The following FAM184A variants were observed in gnomAD, a reference collection of about 807,000 sequenced individuals.
FAM184A encodes family with sequence similarity 184 member A.
Under a neutral mutation model 143.8 loss-of-function variants are expected in FAM184A, and 99 were observed. The observed-to-expected ratio is 0.69, with a 90% CI of 0.58 to 0.81. The LOEUF (loss-of-function observed/expected upper bound fraction) is 0.81. Ranked by LOEUF, FAM184A falls within the 40% of genes least tolerant of loss-of-function variation. The pLI, the probability that FAM184A is intolerant of heterozygous loss-of-function variation, is 0.00. For missense variants in FAM184A, 1,217 were observed against 1,310.5 expected, an observed-to-expected ratio of 0.93 and a Z score of 1.10; for synonymous variants, 427 against 446.4, an observed-to-expected ratio of 0.96 and a Z score of 0.55.
intron 1 of FAM184A, among the ~76,000 whole-genome samples, chr6:119,132,269 A>G (rs900561468): frequency 3.3e-5 from 5 of 152,246 alleles, no homozygotes; most frequent in Non-Finnish European, 5.9e-5. Flanking sequence ...CTGCAAAATC[A>G]GTTTTAGTCT....
chr6:119,041,630 T>C (rs773134048), intron 1 of FAM184A, among the ~76,000 whole-genome samples: 14 of 152,156 alleles, frequency 9.2e-5, no homozygotes, highest in Non-Finnish European at 2.1e-4. Flanking sequence ...TCCGTGTTTG[T>C]TACGGCTAGA....
At chr6:119,081,346 A>G (rs1391388966), upstream of FAM184A, among the ~76,000 whole-genome samples, 4 of 152,116 alleles carry the variant, frequency 2.6e-5, no homozygotes. Context: ...AGGGCGTGCA[A>G]TGGGAGTGTG....
chr6:119,077,791 T>G (rs901682586), intron 1 of FAM184A, among the ~76,000 whole-genome samples: 7 of 152,244 alleles, frequency 4.6e-5, no homozygotes, highest in Admixed American at 4.6e-4. Flanking sequence ...GGTACTGTAG[T>G]GTGATGCCTC....
intron 9 of FAM184A, among the ~76,000 whole-genome samples, chr6:118,991,225 C>A (rs71559845): frequency 6.6e-6 from 1 of 151,080 alleles, no homozygotes; most frequent in Non-Finnish European, 1.5e-5. Flanking sequence ...TGCAATGGCA[C>A]GATCTCGGCG....
At chr6:119,026,682 T>C (rs1349703211) in intron 1 of FAM184A, among the ~76,000 whole-genome samples, 1 of 152,040 alleles carries the variant, frequency 6.6e-6, no homozygotes, top group Non-Finnish European at 1.5e-5. Context: ...ACAGAGATCA[T>C]AAGACTGACA....
At chr6:119,065,081 T>C (rs1343189284) in intron 1 of FAM184A, among the ~76,000 whole-genome samples, 1 of 152,206 alleles carries the variant, frequency 6.6e-6, no homozygotes, top group Non-Finnish European at 1.5e-5. Flanking sequence ...TAGTGATCTC[T>C]ATCTCCTAGT....
rs1301702621 is a variant in FAM184A, at chr6:119,016,931, G to A, written c.1346C>T (p.Ala449Val). The A allele has an allele frequency of 1.2e-6, 2 of 1,604,508 alleles. No homozygotes were observed. Among genetic ancestry groups the A allele is most frequent in the Non-Finnish European group, 8.5e-7 (1 of 1,176,218 alleles). The change falls in exon 5 of 18, where the codon GCA becomes GTA. Residue 449 changes from alanine to valine, a missense_variant. Ala to Val is a moderately conservative substitution (Grantham distance 64, BLOSUM62 0). Coordinates refer to ENST00000338891, the MANE Select transcript of FAM184A (RefSeq NM_024581.6). ...ILELEKKVNE[A>V]KRTQQEYYER... ...ATAATATTCTTGCTGAGTTCTCTTTGCTTCATTTACTTTCTAAAATTAAAA... is the reference window on the plus strand; with the variant it reads ...ATAATATTCTTGCTGAGTTCTCTTTACTTCATTTACTTTCTAAAATTAAAA...
At position 119,016,734 on chromosome 6, in the gene FAM184A, A is replaced by T. The variant is rs763853324; in HGVS notation, c.1530+13T>A. 4.4e-6 allele frequency: 7 copies of T among 1,602,778 alleles called. No homozygotes were observed. Among genetic ancestry groups the T allele is most frequent in the East Asian group, 2.2e-5 (1 of 44,804 alleles). ...CAATTTACAATGCAATGATAAATTA[A>T]ATTTTTACTCACCATTTGCAGTTTT... On this transcript the variant is annotated intron_variant, in intron 5 of 17. Coordinates refer to ENST00000338891, the MANE Select transcript of FAM184A (RefSeq NM_024581.6).
At chr6:119,094,488 G>A (rs12215465) in intron 1 of FAM184A, among the ~76,000 whole-genome samples, 12,071 of 152,124 alleles carry the variant, frequency 0.079, 631 homozygotes, top group East Asian at 0.24. Flanking sequence ...TGTCCACCAC[G>A]GGTGAGAGTT....
intron 11 of FAM184A, 53 bp downstream of exon 11, chr6:118,979,312 A>G (rs4946382): frequency 0.39 from 576,893 of 1,483,428 alleles, 117,084 homozygotes; most frequent in East Asian, 0.68. Context: ...GAATTTAAAA[A>G]ATGTTAAAAA....
Position 119,029,585 on chromosome 6 carries a change from C to T in FAM184A, c.160-4772G>A, listed in dbSNP as rs1004027958. ...AAAGATGTATGAGGATATTAGAGAC[C>T]CTAAAAAGAAGCTGAAGATATAAAA... On this transcript the variant is annotated intron_variant, in intron 1 of 17. Transcript: ENST00000338891. Among the ~76,000 whole-genome samples the T allele has an allele frequency of 2.4e-4, 37 of 151,458 alleles. 1 individual carries two copies. Among genetic ancestry groups the T allele is most frequent in the African/African-American group, 4.9e-4 (20 of 41,204 alleles).
chr6:119,142,564 G>A (rs755634149), intron 1 of FAM184A, among the ~76,000 whole-genome samples: 7 of 152,122 alleles, frequency 4.6e-5, no homozygotes, highest in African/African-American at 1.4e-4. Flanking sequence ...ATTTAACATC[G>A]CGAGTCAAGC....
chr6:119,079,991 C>G (rs1788015223), upstream of FAM184A, among the ~76,000 whole-genome samples: 1 of 152,146 alleles, frequency 6.6e-6, no homozygotes, highest in Admixed American at 6.5e-5. Context: ...AATGTTGCTC[C>G]TTAAGCACTA....
chr6:119,056,903 C>T (rs542299567), intron 1 of FAM184A, among the ~76,000 whole-genome samples: 146 of 152,224 alleles, frequency 9.6e-4, no homozygotes, highest in African/African-American at 2.7e-3. Flanking sequence ...ACCATCTGCC[C>T]GTTTCTCAAA....
At chr6:118,978,465 C>A (rs1186318085) in intron 11 of FAM184A, among the ~76,000 whole-genome samples, 5 of 152,188 alleles carry the variant, frequency 3.3e-5, no homozygotes, top group Admixed American at 2.6e-4. Context: ...TTTTTTAATT[C>A]TCCTTGCTCA....
At chr6:119,038,457 T>A (rs1225305629) in intron 1 of FAM184A, among the ~76,000 whole-genome samples, 1 of 151,242 alleles carries the variant, frequency 6.6e-6, no homozygotes, top group African/African-American at 2.4e-5. Flanking sequence ...AGTAAAGGAG[T>A]CAGCTAAAAC....
At position 119,002,967 on chromosome 6, in the gene FAM184A, A is replaced by G; in HGVS notation, c.2020T>C (p.Leu674=). Residue 674 remains leucine, a synonymous_variant, in exon 9 of 18, where the codon TTG becomes CTG. Transcript: ENST00000338891. ...KKSAMSQLLQ[L]KDREKNAARD... ...GCTGCATTTTTCTCTCGATCTTTCA[A>G]CTGCAAAAGTTGAGACATTGCTGAC... 6.2e-7 allele frequency: 1 copy of G among 1,612,990 alleles called. No individual in the cohort carries two copies. The highest frequency in any genetic ancestry group is 8.5e-7 in the Non-Finnish European group (1 of 1,179,614).
chr6:119,026,193 G>A (rs972212348), intron 1 of FAM184A, among the ~76,000 whole-genome samples: 3 of 152,142 alleles, frequency 2.0e-5, no homozygotes, highest in African/African-American at 7.2e-5. Context: ...GTCTTGCCAT[G>A]CTATCCCTTT....
At chr6:119,021,201 A>G (rs1236693624) in intron 3 of FAM184A, among the ~76,000 whole-genome samples, 1 of 152,170 alleles carries the variant, frequency 6.6e-6, no homozygotes, top group African/African-American at 2.4e-5. Flanking sequence ...AAGGCTATTA[A>G]AAACAACTAT....
Sources: gnomAD v4.1 joint callset for allele counts (sites outside exome capture counted in the v4.1 genomes callset) on GRCh38, gnomAD v4.1.1 for gene constraint, MANE v1.5 for transcripts, NCBI Gene and HGNC (gene_info 2026-07-23, HGNC 2026-07-21) for gene names.